The following PSG1 variants were observed in gnomAD, a reference collection of about 807,000 sequenced individuals.
PSG1 encodes the protein pregnancy-specific beta-1-glycoprotein 1.
A neutral mutation model predicts 41.4 loss-of-function variants in PSG1; 60 were observed. The observed-to-expected ratio is 1.45, with a 90% CI of 1.18 to 1.80. PSG1 has a LOEUF of 1.80. Ranked by LOEUF, PSG1 falls within the 40% of genes most tolerant of loss-of-function variation. The pLI is 0.00. For synonymous variants in PSG1, 256 were observed against 192.9 expected (o/e 1.33, Z -2.71); for missense variants, 806 against 516.9 (o/e 1.56, Z -5.42).
chr19:42,877,477 G>A (rs1286099111), intron 2 of PSG1, among the ~76,000 whole-genome samples: 1 of 151,634 alleles, frequency 6.6e-6, no homozygotes, highest in Non-Finnish European at 1.5e-5. Flanking sequence ...CCCAGCACAG[G>A]CTCCTCAGCT....
chr19:42,879,614 A>C lies in PSG1; in HGVS notation c.-33T>G. The C allele has an allele frequency of 6.2e-7, 1 of 1,607,272 alleles. No individual in the cohort carries two copies. The highest frequency in any genetic ancestry group is 8.5e-7 in the Non-Finnish European group (1 of 1,176,514). Reference sequence around the variant, plus strand: ...GCTGCTTGTGTGTTCTCCTCTGTGGAGATAAGCCTAGGATCCAGAAACTCT... The same window carrying C: ...GCTGCTTGTGTGTTCTCCTCTGTGGCGATAAGCCTAGGATCCAGAAACTCT... On this transcript the variant is annotated 5_prime_UTR_variant, in exon 1 of 6. Coordinates refer to ENST00000436291, the MANE Select transcript of PSG1 (RefSeq NM_001184825.2).
chr19:42,873,506 A>G (rs1971480395), intron 2 of PSG1, among the ~76,000 whole-genome samples: 1 of 151,706 alleles, frequency 6.6e-6, no homozygotes. Context: ...AATTTGGAGG[A>G]AACATTAAAA....
intron 2 of PSG1, among the ~76,000 whole-genome samples, chr19:42,872,434 C>G (rs903570890): frequency 6.6e-6 from 1 of 151,652 alleles, no homozygotes. Flanking sequence ...ACTTTGCCCA[C>G]TGAGGTATGT....
At chr19:42,872,811 G>A (rs190457281) in intron 2 of PSG1, among the ~76,000 whole-genome samples, 2 of 151,964 alleles carry the variant, frequency 1.3e-5, no homozygotes, top group East Asian at 3.9e-4. Context: ...GGCAGTTGAG[G>A]ACCATGTGGA....
rs1220989191 is a variant in PSG1, at chr19:42,867,170, A to G, written c.1244-20T>C. 1.3e-6 allele frequency: 1 copy of G among 766,706 alleles called. No individual in the cohort carries two copies. Among genetic ancestry groups the G allele is most frequent in the Non-Finnish European group, 2.4e-6 (1 of 417,394 alleles). 47.5% of individuals were successfully genotyped at this position (766,706 alleles called of 1,614,324 possible). A position where few individuals can be genotyped will look rare whatever the true frequency, so the allele number is the denominator to read the frequency against. ...TCCAGTCTACAGGTGGATAATAAAA[A>G]CACAGAAACAATGAACAGAGCTGCA... is the stretch of plus-strand genomic sequence containing the variant. On this transcript the variant is annotated intron_variant, in intron 5 of 5. Transcript: ENST00000436291.
intron 2 of PSG1, among the ~76,000 whole-genome samples, chr19:42,874,478 C>T (rs998300848): frequency 2.0e-5 from 3 of 151,654 alleles, no homozygotes; most frequent in African/African-American, 4.8e-5. Context: ...TCCCAAGTAG[C>T]TGGGACTACA....
At position 42,879,667 on chromosome 19, in the gene PSG1, C is replaced by A. The variant is rs932207336; in HGVS notation, c.-86G>T. 2 of 1,555,860 alleles carry A rather than the reference C, an allele frequency of 1.3e-6. No individual in the cohort carries two copies. Among genetic ancestry groups the A allele is most frequent in the Non-Finnish European group, 1.8e-6 (2 of 1,140,196 alleles). On this transcript the variant is annotated 5_prime_UTR_variant, in exon 1 of 6. The change creates a new upstream start codon in the 5' untranslated region. Transcript: ENST00000436291. Reference sequence around the variant, plus strand: ...GAGCACGGCTGTCAGCTGTGCTGTCCTTCCTCTTTCTGTGCTGAGCCTCTT... The same window carrying A: ...GAGCACGGCTGTCAGCTGTGCTGTCATTCCTCTTTCTGTGCTGAGCCTCTT...
chr19:42,876,140 G>C (rs1171447444), intron 2 of PSG1, among the ~76,000 whole-genome samples: 1 of 151,464 alleles, frequency 6.6e-6, no homozygotes, highest in Non-Finnish European at 1.5e-5. Context: ...GTCTAGGGAA[G>C]GCCTAGAGGT....
chr19:42,873,645 C>T (rs1271960085), intron 2 of PSG1, among the ~76,000 whole-genome samples: 2 of 151,696 alleles, frequency 1.3e-5, no homozygotes, highest in African/African-American at 4.8e-5. Flanking sequence ...ACGTTATGCT[C>T]AAAGAAAGAT....
chr19:42,868,194 T>C lies in PSG1; in HGVS notation c.1150A>G (p.Ile384Val). Reference protein sequence around the residue: ...LPGQKLFIRHITTKHSGLYVC... With the variant: ...LPGQKLFIRHVTTKHSGLYVC... ...TAGAGCCCGCTATGCTTTGTAGTAA[T>C]ATGGCGGATAAAGAGCTTTTGTCCT... is the stretch of plus-strand genomic sequence containing the variant. Residue 384 changes from isoleucine to valine, a missense_variant, in exon 5 of 6, where the codon ATT (isoleucine) becomes GTT (valine). Transcript: ENST00000436291. 1 of 1,612,316 alleles carries C rather than the reference T, an allele frequency of 6.2e-7. No individual in the cohort carries two copies.
At position 42,868,801 on chromosome 19, in the gene PSG1, G is replaced by T. The variant is rs200802476; in HGVS notation, c.943C>A (p.Arg315=). 3.4e-5 allele frequency: 55 copies of T among 1,611,820 alleles called. 1 individual carries two copies. The African/African-American group carries it at 4.4e-4, about 13-fold the overall frequency. The change falls in exon 4 of 6, where the codon CGA becomes AGA. Residue 315 remains arginine, a synonymous_variant. Coordinates refer to ENST00000436291, the MANE Select transcript of PSG1 (RefSeq NM_001184825.2). ...TGPYQCEIRD[R]YGGIRSDPVT... is the part of the protein sequence containing the mutation. ...GGGTCACTGCGGATGCCACCATATCGGTCCCGTATTTCACATTGATAGGGT... is the reference window on the plus strand; with the variant it reads ...GGGTCACTGCGGATGCCACCATATCTGTCCCGTATTTCACATTGATAGGGT...
intron 3 of PSG1, chr19:42,869,350 C>G (rs778193888): frequency 6.2e-6 from 3 of 482,770 alleles, no homozygotes; most frequent in Non-Finnish European, 1.0e-5. Flanking sequence ...AGTTGACTGG[C>G]TGGCTCACCT....
rs1486475200 is a variant in PSG1 at position 42,867,440 on chromosome 19, A to G, written c.1244-290T>C. 11 of 573,686 alleles carry G rather than the reference A, an allele frequency of 1.9e-5. No homozygotes were observed. In the East Asian group the frequency reaches 2.9e-4, roughly 15 times the overall value. The allele number at this position is 573,686 out of a possible 1,614,324, so 35.5% of individuals were successfully genotyped here. On this transcript the variant is annotated intron_variant, in intron 5 of 5. Transcript: ENST00000436291. Reference sequence around the variant, plus strand: ...GGAATCTGAGATTAAATCTTCACAAACCTCTTGAGAATAGGAAGCCAAACC... The same window carrying G: ...GGAATCTGAGATTAAATCTTCACAAGCCTCTTGAGAATAGGAAGCCAAACC...
In PSG1 at chr19:42,867,836, C is replaced by T. The variant is rs1457111525; in HGVS notation, c.1243+265G>A. 22 of 1,292,458 alleles carry T rather than the reference C, an allele frequency of 1.7e-5. 1 individual carries two copies. The highest frequency in any genetic ancestry group is 2.7e-4 in the Middle Eastern group (1 of 3,646). 80.1% of individuals were successfully genotyped at this position (1,292,458 alleles called of 1,614,324 possible). ...AATTTTCAAATAAAAATCATAAAAA[C>T]ATTATCTTCATTATTATCAATTATT... is the stretch of plus-strand genomic sequence containing the variant. On this transcript the variant is annotated intron_variant, in intron 5 of 5. Coordinates refer to ENST00000436291, the MANE Select transcript of PSG1 (RefSeq NM_001184825.2).
intron 1 of PSG1, among the ~76,000 whole-genome samples, chr19:42,879,057 C>A (rs1465093817): frequency 6.6e-6 from 1 of 151,658 alleles, no homozygotes; most frequent in Non-Finnish European, 1.5e-5. Flanking sequence ...CTTACCAATT[C>A]CGGTCCAATA....
intron 3 of PSG1, among the ~76,000 whole-genome samples, chr19:42,871,112 G>C (rs539303674): frequency 2.0e-5 from 3 of 151,736 alleles, no homozygotes; most frequent in South Asian, 2.1e-4. Flanking sequence ...ACTTACCAGG[G>C]ACTATGATCC....
rs1390685185 is a variant in PSG1 at position 42,872,062 on chromosome 19, G to A, written c.431-17C>T. 6.2e-7 allele frequency: 1 copy of A among 1,602,534 alleles called. No individual in the cohort carries two copies. The highest frequency in any genetic ancestry group is 1.3e-5 in the African/African-American group (1 of 74,172). On this transcript the variant is annotated splice_polypyrimidine_tract_variant and intron_variant, in intron 2 of 5. Transcript: ENST00000436291. ...GAGTCTCCACTGTGCAGAAAACAGG[G>A]TGAAGATTGCCGTGTGTGGCGCCTT...
intron 2 of PSG1, among the ~76,000 whole-genome samples, chr19:42,875,722 T>A (rs951335668): frequency 3.3e-5 from 5 of 151,584 alleles, no homozygotes; most frequent in African/African-American, 1.2e-4. Flanking sequence ...CTGATTTGAG[T>A]AATAATAAAC....
At chr19:42,872,639 C>T (rs150448761) in intron 2 of PSG1, among the ~76,000 whole-genome samples, 13 of 151,654 alleles carry the variant, frequency 8.6e-5, no homozygotes, top group Admixed American at 8.6e-4. Flanking sequence ...GCAGTTTTCC[C>T]AGGTGTCTCA....
Sources: gnomAD v4.1 joint callset for allele counts (sites outside exome capture counted in the v4.1 genomes callset) on GRCh38, gnomAD v4.1.1 for gene constraint, MANE v1.5 for transcripts, NCBI Gene and HGNC (gene_info 2026-07-23, HGNC 2026-07-21) for gene names.